COL9A3: variants seen among roughly 807,000 people sequenced by gnomAD.
COL9A3 encodes the protein collagen alpha-3(IX) chain.
Under a neutral mutation model 110.2 loss-of-function variants are expected in COL9A3, and 82 were observed. That is an observed-to-expected ratio of 0.74 (90% confidence interval 0.62 to 0.89). COL9A3 has a LOEUF of 0.89. Among genes scored for constraint, COL9A3 ranks in the 40% least tolerant of loss-of-function variants. The probability of loss-of-function intolerance (pLI) is 0.00; values close to 1 mark genes in which losing one functional copy is unlikely to be tolerated. For synonymous variants in COL9A3, 494 were observed against 403.8 expected, an observed-to-expected ratio of 1.22 and a Z score of -2.68; for missense variants, 1,066 against 981.3, an observed-to-expected ratio of 1.09 and a Z score of -1.15.
rs769728713 is a variant in COL9A3, at chr20:62,840,642, C to T, written c.1965C>T (p.Ala655=). Residue 655 remains alanine, a synonymous_variant, in exon 32 of 32, where the codon GCC becomes GCT. Transcript: ENST00000649368. ...GDPGLPGAIG[A]QGTPGICDTS... The stretch of plus-strand genomic sequence containing the variant: ...CTGGGCTTCCAGGTGCCATTGGGGC[C>T]CAGGGGACACCGGGGATCTGCGACA... 1.9e-6 allele frequency: 3 copies of T among 1,610,550 alleles called. No individual in the cohort carries two copies. Among genetic ancestry groups the T allele is most frequent in the South Asian group, 1.1e-5 (1 of 90,406 alleles).
At chr20:62,827,523 G>A (rs537139947) in intron 16 of COL9A3, among the ~76,000 whole-genome samples, 30 of 152,278 alleles carry the variant, frequency 2.0e-4, no homozygotes, top group African/African-American at 6.3e-4. Context: ...CCTGCAGAGC[G>A]GCCCACGAGC....
chr20:62,830,402 C>T lies in COL9A3; in HGVS notation c.1204C>T (p.Arg402Ter), dbSNP rs989413835. The T allele has an allele frequency of 3.2e-6, 5 of 1,570,010 alleles. No individual in the cohort carries two copies. The highest frequency in any genetic ancestry group is 4.3e-6 in the Non-Finnish European group (5 of 1,157,438). The change falls in exon 23 of 32, where the codon CGA becomes TGA. Residue 402 changes from arginine (R) to a stop codon, truncating the protein, a stop_gained. Coordinates refer to ENST00000649368, the MANE Select transcript of COL9A3 (RefSeq NM_001853.4). LOFTEE classifies it high-confidence loss of function. ...AGGCCCTCCCGGAGCCCCTGGTGTCCGAGGCTTCCAGGTGGGTGAGGTTGG... is the reference window on the plus strand; with the variant it reads ...AGGCCCTCCCGGAGCCCCTGGTGTCTGAGGCTTCCAGGTGGGTGAGGTTGG... ...PQGPPGAPGVRGFQGQKGSMG... is the reference protein window; with the variant it reads ...PQGPPGAPGV
At position 62,826,818 on chromosome 20, in the gene COL9A3, G is replaced by T; in HGVS notation, c.790G>T (p.Ala264Ser). 1 of 1,612,806 alleles carries T rather than the reference G, an allele frequency of 6.2e-7. No individual in the cohort carries two copies. Among genetic ancestry groups the T allele is most frequent in the Admixed American group, 1.7e-5 (1 of 60,016 alleles). ...TGGGATCCCAGGAGCGCCTGGGAAA[G>T]CGGTACGTGTGTCAGTGGACGGTGG... Reference protein sequence around the residue: ...PPGIPGAPGKAGDRGERGPEG... With the variant: ...PPGIPGAPGKSGDRGERGPEG... Residue 264 changes from alanine to serine, a missense_variant and splice_region_variant, in exon 15 of 32, where the codon GCG becomes TCG. By Grantham distance (99) the Ala-to-Ser change is moderately conservative. Transcript: ENST00000649368.
intron 12 of COL9A3, chr20:62,825,615 G>C (rs1213800657): frequency 7.9e-6 from 5 of 634,436 alleles, no homozygotes; most frequent in Non-Finnish European, 1.4e-5. Context: ...CACGGACCCC[G>C]GCCCGGCAGG....
At chr20:62,834,222 C>G (rs2063618374) in intron 26 of COL9A3, among the ~76,000 whole-genome samples, 1 of 152,168 alleles carries the variant, frequency 6.6e-6, no homozygotes, top group South Asian at 2.1e-4. Context: ...GTCGGCCAGG[C>G]TGGTCTCAAA....
chr20:62,818,392 C>G (rs544014378), intron 2 of COL9A3, 126 bp from the exon 3 acceptor site: 1 of 915,786 alleles, frequency 1.1e-6, no homozygotes, highest in East Asian at 2.4e-5. Context: ...GCTCAGGGGC[C>G]CCTTTTGTCT....
chr20:62,840,439 G>A (rs1029266776), intron 31 of COL9A3, 103 bp from the exon 32 acceptor site: 4 of 1,097,892 alleles, frequency 3.6e-6, no homozygotes, highest in Admixed American at 3.5e-5. Context: ...CCCAAGTGAA[G>A]AGTGAGCAGA....
chr20:62,822,164 T>C lies in COL9A3; in HGVS notation c.477T>C (p.Pro159=). ...LPGPPGPPGP[P]GHPGVLPEGA... ...GTCCCCCAGGACCTCCCGGACCCCC[T>C]GTAAGTACTGGGCAGAGGCTCTAAG... The change falls in exon 9 of 32, where the codon CCT becomes CCC. Residue 159 remains proline (P), a splice_region_variant and synonymous_variant. Coordinates refer to ENST00000649368, the MANE Select transcript of COL9A3 (RefSeq NM_001853.4). 1 of 1,564,272 alleles carries C rather than the reference T, an allele frequency of 6.4e-7. No individual in the cohort carries two copies. Among genetic ancestry groups the C allele is most frequent in the Non-Finnish European group, 8.8e-7 (1 of 1,135,346 alleles).
intron 30 of COL9A3, 89 bp downstream of exon 30, chr20:62,837,354 T>G: frequency 7.1e-7 from 1 of 1,418,296 alleles, no homozygotes; most frequent in Non-Finnish European, 9.7e-7. Context: ...GTGCCTGCCA[T>G]GCGCCCTCAG....
chr20:62,840,601 G>T lies in COL9A3; in HGVS notation c.1924G>T (p.Gly642Trp), dbSNP rs758789140. The T allele has an allele frequency of 1.2e-6, 2 of 1,613,224 alleles. No homozygotes were observed. The highest frequency in any genetic ancestry group is 1.7e-6 in the Non-Finnish European group (2 of 1,179,934). Residue 642 changes from glycine to tryptophan, a missense_variant, in exon 32 of 32, where the codon GGG becomes TGG. Gly to Trp is a radical substitution (Grantham distance 184). Coordinates refer to ENST00000649368, the MANE Select transcript of COL9A3 (RefSeq NM_001853.4). ...DGQDGAPGEP[G>W]PPGDPGLPGA... ...CCAGGACGGTGCTCCCGGCGAGCCT[G>T]GGCCTCCCGGAGATCCTGGGCTTCC...
chr20:62,817,133 CG>C lies in COL9A3; in HGVS notation c.73del (p.Ala25ArgfsTer63), dbSNP rs1484825870. ...TGCTCGGGGAGCTTCTGGCGGCCGC[CG>C]GGGCGCAGGTGAGCGCGAGCTCCGG... The part of the protein sequence containing the change: ...LLLGELLAAA[G>X]AQRVGLPGPP... On this transcript the variant is annotated frameshift_variant, in exon 1 of 32. Transcript: ENST00000649368. LOFTEE classifies it high-confidence loss of function. 1 of 1,396,350 alleles carries C rather than the reference CG, an allele frequency of 7.2e-7. No homozygotes were observed. The allele number at this position is 1,396,350 out of a possible 1,614,324, so 86.5% of individuals were successfully genotyped here. A position where few individuals can be genotyped will look rare whatever the true frequency, so the allele number is the denominator to read the frequency against.
chr20:62,835,599 G>A (rs943198007), intron 26 of COL9A3, among the ~76,000 whole-genome samples: 1 of 152,162 alleles, frequency 6.6e-6, no homozygotes, highest in African/African-American at 2.4e-5. Flanking sequence ...CAGGGTTTTA[G>A]GGCAGAGAGG....
intron 28 of COL9A3, 71 bp from the exon 29 acceptor site, chr20:62,836,407 C>T (rs368570564): frequency 4.8e-4 from 769 of 1,613,662 alleles, no homozygotes; most frequent in East Asian, 9.6e-4. Context: ...AGTTACTTTG[C>T]GGGGTGACGG....
At chr20:62,817,043 G>C (rs913311950), upstream of COL9A3, 7 of 1,266,454 alleles carry the variant, frequency 5.5e-6, no homozygotes, top group Admixed American at 1.4e-4. Context: ...CCCCGACGCC[G>C]CAGCTCAGAC....
chr20:62,826,060 C>T (rs2063549666), intron 13 of COL9A3, 144 bp from the exon 14 acceptor site: 4 of 1,093,544 alleles, frequency 3.7e-6, no homozygotes, highest in Admixed American at 2.1e-5. Context: ...GCTGGTGCCC[C>T]CTCCCTCTGG....
chr20:62,826,883 C>T (rs1376801139), intron 15 of COL9A3, 63 bp downstream of exon 15: 2 of 1,557,614 alleles, frequency 1.3e-6, no homozygotes, highest in South Asian at 1.2e-5. Context: ...TCCCTCTGCT[C>T]CTCTCAGACG....
At chr20:62,832,248 A>G in intron 25 of COL9A3, 59 bp downstream of exon 25, 1 of 1,553,754 alleles carries the variant, frequency 6.4e-7, no homozygotes, top group Non-Finnish European at 8.9e-7. Flanking sequence ...AGCTTCTCCC[A>G]GGCTCCTCCT....
rs770160982 is a variant in COL9A3 at position 62,828,809 on chromosome 20, G to A, written c.946G>A (p.Gly316Ser). 2.5e-6 allele frequency: 4 copies of A among 1,612,908 alleles called. No homozygotes were observed. The highest frequency in any genetic ancestry group is 3.4e-6 in the Non-Finnish European group (4 of 1,179,928). ...DGQNGVPGLD[G>S]QKGEAGRNGA... ...CCAGAATGGCGTGCCAGGACTCGAT[G>A]GCCAGAAGGTTGGCATGGGGCTCAG... is the stretch of plus-strand genomic sequence containing the variant. The change falls in exon 18 of 32, where the codon GGC (glycine) becomes AGC (serine). Residue 316 changes from glycine to serine, a missense_variant. Physicochemically the swap from Gly to Ser is moderately conservative, Grantham distance 56 (BLOSUM62 0). Coordinates refer to ENST00000649368, the MANE Select transcript of COL9A3 (RefSeq NM_001853.4).
intron 30 of COL9A3, 118 bp downstream of exon 30, chr20:62,837,383 G>C: frequency 9.1e-7 from 1 of 1,101,476 alleles, no homozygotes; most frequent in South Asian, 1.3e-5. Context: ...CCTGGAACGT[G>C]GGGGCCTCTC....
Sources: gnomAD v4.1 joint callset for allele counts (sites outside exome capture counted in the v4.1 genomes callset) on GRCh38, gnomAD v4.1.1 for gene constraint, MANE v1.5 for transcripts, NCBI Gene and HGNC (gene_info 2026-07-23, HGNC 2026-07-21) for gene names.